PDCD4: variants seen among roughly 807,000 people sequenced by gnomAD.
PDCD4 encodes the protein programmed cell death protein 4.
A neutral mutation model predicts 54.0 loss-of-function variants in PDCD4; 56 were observed. The ratio of observed to expected loss-of-function variants is 1.04; its 90% confidence interval spans 0.84 to 1.30. The LOEUF is 1.30. PDCD4 is among the 50% of genes most tolerant of loss of function. PDCD4 has a pLI of 0.00. For missense variants in PDCD4, 584 were observed against 559.8 expected (o/e 1.04, Z -0.44); for synonymous variants, 186 against 194.8 (o/e 0.95, Z 0.37).
At chr10:110,896,559 AGT>A (rs1845835695) in intron 11 of PDCD4, among the ~76,000 whole-genome samples, 1 of 152,054 alleles carries the variant, frequency 6.6e-6, no homozygotes, top group Non-Finnish European at 1.5e-5. Flanking sequence ...CTCACTAGAA[AGT>A]GTGTGTGTTG....
At chr10:110,897,250 A>G (rs1845852415) in intron 11 of PDCD4, among the ~76,000 whole-genome samples, 1 of 152,240 alleles carries the variant, frequency 6.6e-6, no homozygotes, top group South Asian at 2.1e-4. Flanking sequence ...ATGAGGCAAT[A>G]AACTTTCTGT....
Position 110,876,071 on chromosome 10 carries a change from G to T in PDCD4, c.43+1G>T. On this transcript the variant is annotated splice_donor_variant, in intron 2 of 11. Transcript: ENST00000280154. LOFTEE classifies it high-confidence loss of function. ...CAGATACTGAATGTAAACCCTGCAG[G>T]TAAGTAAGGATATCCTTTTTTCTTT... 1 of 1,607,618 alleles carries T rather than the reference G, an allele frequency of 6.2e-7. No homozygotes were observed. The highest frequency in any genetic ancestry group is 8.5e-7 in the Non-Finnish European group (1 of 1,176,242).
intron 4 of PDCD4, 129 bp downstream of exon 4, chr10:110,883,226 T>C (rs561488165): frequency 2.9e-5 from 18 of 615,198 alleles, no homozygotes; most frequent in Non-Finnish European, 5.0e-5. Flanking sequence ...CCAAGTAAAC[T>C]GACAGTAATA....
intron 8 of PDCD4, among the ~76,000 whole-genome samples, chr10:110,891,596 A>G (rs1845758061): frequency 1.3e-5 from 2 of 151,822 alleles, no homozygotes; most frequent in South Asian, 4.2e-4. Flanking sequence ...TGTGCTTCTG[A>G]TTTTTGAGTA....
rs894701212 is a variant in PDCD4 at position 110,899,101 on chromosome 10, A to T, written c.*1013A>T. On this transcript the variant is annotated 3_prime_UTR_variant, in exon 12 of 12. Coordinates refer to ENST00000280154, the MANE Select transcript of PDCD4 (RefSeq NM_014456.5). ...CCAAAGCTTGACATTTACCTAATGT[A>T]TGAGAAAATATTACCAATTAACAAT... 27 of 152,230 alleles carry T rather than the reference A, an allele frequency of 1.8e-4. No homozygotes were observed. The highest frequency in any genetic ancestry group is 1.4e-3 in the Admixed American group (22 of 15,288). The allele number at this position is 152,230 out of a possible 1,614,324, so 9.4% of individuals were successfully genotyped here.
At chr10:110,893,765 T>TA (rs573766646) in intron 8 of PDCD4, among the ~76,000 whole-genome samples, 1 of 152,100 alleles carries the variant, frequency 6.6e-6, no homozygotes, top group Non-Finnish European at 1.5e-5. Flanking sequence ...TAGTGGTATT[T>TA]AAAATCCCTT....
At position 110,882,944 on chromosome 10, in the gene PDCD4, A is replaced by G. The variant is rs1845613696; in HGVS notation, c.347-59A>G. The G allele has an allele frequency of 3.9e-6, 4 of 1,030,362 alleles. No individual in the cohort carries two copies. The East Asian group carries it at 7.3e-5, about 19-fold the overall frequency. 63.8% of individuals were successfully genotyped at this position (1,030,362 alleles called of 1,614,324 possible). On this transcript the variant is annotated intron_variant, in intron 3 of 11. Transcript: ENST00000280154. ...GTTTAACATCGGAACATTTTATTTT[A>G]GATTTCAACAAATTGATGAATTTTG...
chr10:110,894,351 AT>A (rs1428075451), intron 9 of PDCD4, 60 bp from the exon 10 acceptor site: 1 of 947,912 alleles, frequency 1.1e-6, no homozygotes, highest in Non-Finnish European at 1.7e-6. Flanking sequence ...ATCTAGGTGC[AT>A]TTTAGGAGCA....
chr10:110,872,985 C>T (rs1845445096), intron 1 of PDCD4, among the ~76,000 whole-genome samples: 2 of 151,906 alleles, frequency 1.3e-5, no homozygotes, highest in African/African-American at 4.8e-5. Flanking sequence ...GATTAGGTGT[C>T]GGGGAAAAAA....
intron 5 of PDCD4, among the ~76,000 whole-genome samples, chr10:110,886,871 AGTT>A (rs528935216): frequency 1.7e-4 from 26 of 152,310 alleles, no homozygotes; most frequent in Non-Finnish European, 3.4e-4. Context: ...ATTTAAAAAC[AGTT>A]GTTTAAGATC....
intron 3 of PDCD4, 90 bp from the exon 4 acceptor site, chr10:110,882,911 TAG>T: frequency 1.2e-6 from 1 of 809,878 alleles, no homozygotes; most frequent in Admixed American, 2.4e-5. Flanking sequence ...AATTTTTTTT[TAG>T]CTGTTGTTTA....
In PDCD4 at chr10:110,894,190, G is replaced by A. The variant is rs750840584; in HGVS notation, c.1090G>A (p.Val364Ile). 1 of 1,558,426 alleles carries A rather than the reference G, an allele frequency of 6.4e-7. No individual in the cohort carries two copies. ...AGTACCTCATTTTCACCATGAGCTT[G>A]TATATGAAGTAAGATTACCTTGCCA... is the stretch of plus-strand genomic sequence containing the variant. ...LEVPHFHHEL[V>I]YEAIIMVLES... Residue 364 changes from valine to isoleucine, a missense_variant, in exon 9 of 12, where the codon GTA becomes ATA. Physicochemically the swap from Val to Ile is conservative, Grantham distance 29. Transcript: ENST00000280154.
intron 8 of PDCD4, among the ~76,000 whole-genome samples, chr10:110,892,698 A>C (rs1845774083): frequency 6.6e-6 from 1 of 152,170 alleles, no homozygotes; most frequent in South Asian, 2.1e-4. Flanking sequence ...ATATGGAGGC[A>C]GTTGTAATGT....
chr10:110,879,404 C>T (rs1347757044), intron 2 of PDCD4, among the ~76,000 whole-genome samples: 4 of 152,110 alleles, frequency 2.6e-5, no homozygotes, highest in African/African-American at 9.7e-5. Flanking sequence ...CGGTGGCTCA[C>T]GCCTGTAATC....
chr10:110,885,016 GA>G (rs1377361256), intron 4 of PDCD4: 41 of 322,546 alleles, frequency 1.3e-4, no homozygotes, highest in Non-Finnish European at 1.1e-5. Context: ...GGCTAGTATT[GA>G]ACTCCAGGCC....
At chr10:110,892,750 C>T (rs1845774960) in intron 8 of PDCD4, among the ~76,000 whole-genome samples, 1 of 151,994 alleles carries the variant, frequency 6.6e-6, no homozygotes, top group African/African-American at 2.4e-5. Context: ...TTAATGTAGC[C>T]TAAGTATACA....
intron 5 of PDCD4, among the ~76,000 whole-genome samples, chr10:110,886,208 A>G (rs533733702): frequency 6.6e-6 from 1 of 152,216 alleles, no homozygotes; most frequent in African/African-American, 2.4e-5. Flanking sequence ...TATAGAGGAA[A>G]AGTTTCCATG....
intron 8 of PDCD4, among the ~76,000 whole-genome samples, chr10:110,893,640 T>C (rs1845789094): frequency 1.3e-5 from 2 of 152,096 alleles, no homozygotes; most frequent in Non-Finnish European, 2.9e-5. Flanking sequence ...TTGCCCTCTC[T>C]AGTAATGCCC....
At chr10:110,891,467 A>ATT (rs199619598) in intron 8 of PDCD4, among the ~76,000 whole-genome samples, 34 of 140,862 alleles carry the variant, frequency 2.4e-4, no homozygotes, top group African/African-American at 7.0e-4. Context: ...TTCCCTATGG[A>ATT]TTTTTTTTTT....
Sources: gnomAD v4.1 joint callset for allele counts (sites outside exome capture counted in the v4.1 genomes callset) on GRCh38, gnomAD v4.1.1 for gene constraint, MANE v1.5 for transcripts, NCBI Gene and HGNC (gene_info 2026-07-23, HGNC 2026-07-21) for gene names.